Variants in ITPR1 observed in about 807,000 individuals in gnomAD.
ITPR1 encodes the protein inositol 1,4,5-trisphosphate-gated calcium channel ITPR1.
In ITPR1, 96 loss-of-function variants were observed where a neutral mutation model predicts 318.4. The observed-to-expected ratio is 0.30, with a 90% CI of 0.26 to 0.36. ITPR1 has a LOEUF of 0.36. Among genes scored for constraint, ITPR1 ranks in the 10% least tolerant of loss-of-function variants. The probability of loss-of-function intolerance (pLI) is 1.00; values close to 1 mark genes in which losing one functional copy is unlikely to be tolerated. For missense variants in ITPR1, 2,440 were observed against 3,460.2 expected, an observed-to-expected ratio of 0.71 and a Z score of 7.40; for synonymous variants, 1,312 against 1,289.9, an observed-to-expected ratio of 1.02 and a Z score of -0.37.
chr3:4,495,590 A>G (rs1276257400), intron 2 of ITPR1, among the ~76,000 whole-genome samples: 1 of 152,236 alleles, frequency 6.6e-6, no homozygotes, highest in Non-Finnish European at 1.5e-5. Flanking sequence ...TTAGCTGTAC[A>G]GCAAGGAAAA....
intron 60 of ITPR1, among the ~76,000 whole-genome samples, chr3:4,833,230 A>T (rs987881999): frequency 6.6e-6 from 1 of 152,226 alleles, no homozygotes; most frequent in Non-Finnish European, 1.5e-5. Context: ...ATATGGCATG[A>T]AAGAAGGTGA....
At chr3:4,705,843 A>T (rs1202302066) in intron 36 of ITPR1, among the ~76,000 whole-genome samples, 1 of 152,206 alleles carries the variant, frequency 6.6e-6, no homozygotes, top group African/African-American at 2.4e-5. Flanking sequence ...ATTATTCTTA[A>T]AATACACACA....
intron 4 of ITPR1, among the ~76,000 whole-genome samples, chr3:4,530,305 G>C (rs951370541): frequency 6.6e-6 from 1 of 152,154 alleles, no homozygotes; most frequent in Non-Finnish European, 1.5e-5. Context: ...CATAATGTTG[G>C]TCCTTCTTTA....
At chr3:4,809,202 C>G (rs569100760) in intron 55 of ITPR1, among the ~76,000 whole-genome samples, 3 of 152,106 alleles carry the variant, frequency 2.0e-5, no homozygotes, top group African/African-American at 7.2e-5. Flanking sequence ...AAGCAGCAGG[C>G]AAAATGTTTC....
In ITPR1 at chr3:4,733,094, G is replaced by A. The variant is rs2043039818; in HGVS notation, c.5227G>A (p.Ala1743Thr). Residue 1743 changes from alanine to threonine, a missense_variant, in exon 43 of 62, where the codon GCG becomes ACG. By Grantham distance (58) the Ala-to-Thr change is moderately conservative (BLOSUM62 0). Around this residue, in one of 23 missense-constraint regions of ITPR1, gnomAD observed 166 missense variants for 143.7 expected, o/e 1.16. Coordinates refer to ENST00000649015, the MANE Select transcript of ITPR1 (RefSeq NM_001378452.1). The stretch of plus-strand genomic sequence containing the variant: ...TTATCCTGTTTGAATTAAGGGTGAG[G>A]CGCTCAGGCAAGTTCTGGTCAACCG... ...RQLEDHKRGE[A>T]LRQVLVNRYY... is the part of the protein sequence containing the mutation. The A allele has an allele frequency of 6.2e-7, 1 of 1,612,794 alleles. No individual in the cohort carries two copies. Among genetic ancestry groups the A allele is most frequent in the African/African-American group, 1.3e-5 (1 of 74,904 alleles).
chr3:4,610,856 GTTCCCT>G (rs113211334), intron 4 of ITPR1, among the ~76,000 whole-genome samples: 17,175 of 144,974 alleles, frequency 0.12, 1,591 homozygotes, highest in East Asian at 0.43. Context: ...TCCCTTTCCT[GTTCCCT>G]TTCCCTTTCC....
chr3:4,812,383 C>T (rs1487692472), intron 56 of ITPR1, among the ~76,000 whole-genome samples: 4 of 152,152 alleles, frequency 2.6e-5, no homozygotes, highest in African/African-American at 9.7e-5. Context: ...TATATTAAAA[C>T]ATGGATGACT....
intron 44 of ITPR1, among the ~76,000 whole-genome samples, chr3:4,736,045 A>G (rs772047127): frequency 1.3e-5 from 2 of 152,236 alleles, no homozygotes; most frequent in Non-Finnish European, 2.9e-5. Flanking sequence ...ATGAATTTTA[A>G]TAATACATAA....
chr3:4,771,711 T>C (rs1361605696), intron 46 of ITPR1, among the ~76,000 whole-genome samples: 1 of 151,930 alleles, frequency 6.6e-6, no homozygotes, highest in East Asian at 1.9e-4. Context: ...TGTGGGGTGT[T>C]GGGGTGTATA....
intron 44 of ITPR1, among the ~76,000 whole-genome samples, chr3:4,759,197 C>G (rs895075913): frequency 1.3e-5 from 2 of 152,222 alleles, no homozygotes; most frequent in African/African-American, 4.8e-5. Flanking sequence ...GCAGGCTCGT[C>G]ATAACCACGC....
intron 4 of ITPR1, among the ~76,000 whole-genome samples, chr3:4,567,916 T>C (rs1024626835): frequency 2.6e-5 from 4 of 152,188 alleles, no homozygotes; most frequent in Non-Finnish European, 5.9e-5. Flanking sequence ...GAGCTAGTTC[T>C]TAAAGGTGTG....
chr3:4,761,008 C>A (rs2045401956), intron 44 of ITPR1, among the ~76,000 whole-genome samples: 1 of 152,214 alleles, frequency 6.6e-6, no homozygotes, highest in Admixed American at 6.5e-5. Context: ...TTCTGTCTAC[C>A]ACACCTGTGA....
At chr3:4,640,701 A>G (rs773299026) in intron 6 of ITPR1, among the ~76,000 whole-genome samples, 3 of 152,208 alleles carry the variant, frequency 2.0e-5, no homozygotes, top group Non-Finnish European at 4.4e-5. Flanking sequence ...CACTTTGCTC[A>G]CCAGCAAAAT....
Position 4,680,638 on chromosome 3 carries a change from C to G in ITPR1, c.3053C>G (p.Thr1018Ser). ...KREFDESNSQ[T>S]SETSSGNSSQ... Reference sequence around the variant, plus strand: ...GAGTTTGATGAAAGCAATTCCCAGACTTCAGAAACATCCTCCGGAAACAGC... The same window carrying G: ...GAGTTTGATGAAAGCAATTCCCAGAGTTCAGAAACATCCTCCGGAAACAGC... Residue 1018 changes from threonine (T) to serine (S), a missense_variant, in exon 25 of 62, where the codon ACT becomes AGT. By Grantham distance (58) the Thr-to-Ser change is moderately conservative. Around this residue, in one of 23 missense-constraint regions of ITPR1, gnomAD observed 57 missense variants for 46.2 expected, o/e 1.23. Coordinates refer to ENST00000649015, the MANE Select transcript of ITPR1 (RefSeq NM_001378452.1). 5 of 1,613,850 alleles carry G rather than the reference C, an allele frequency of 3.1e-6. No homozygotes were observed. The highest frequency in any genetic ancestry group is 4.2e-6 in the Non-Finnish European group (5 of 1,179,778).
chr3:4,795,549 C>T (rs1440234047), intron 53 of ITPR1, among the ~76,000 whole-genome samples: 1 of 152,218 alleles, frequency 6.6e-6, no homozygotes, highest in African/African-American at 2.4e-5. Context: ...AACCCTAAAA[C>T]GTAGACGTCT....
chr3:4,699,924 C>T lies in ITPR1; in HGVS notation c.4519C>T (p.Gln1507Ter). 1 of 1,613,502 alleles carries T rather than the reference C, an allele frequency of 6.2e-7. No individual in the cohort carries two copies. The highest frequency in any genetic ancestry group is 8.5e-7 in the Non-Finnish European group (1 of 1,179,476). The change falls in exon 35 of 62, where the codon CAG becomes TAG. Residue 1507 changes from glutamine (Q) to a stop codon, truncating the protein, a stop_gained. Coordinates refer to ENST00000649015, the MANE Select transcript of ITPR1 (RefSeq NM_001378452.1). LOFTEE classifies it high-confidence loss of function. ...TTFFSSPFSD[Q>*]STTLQTRQPV... ...TTTCTTCAGCTCTCCCTTCTCAGAC[C>T]AGAGTACGACTTTGCAGGTAAGAAA...
At chr3:4,663,831 C>T (rs953493906) in intron 16 of ITPR1, among the ~76,000 whole-genome samples, 5 of 152,200 alleles carry the variant, frequency 3.3e-5, no homozygotes, top group Non-Finnish European at 5.9e-5. Context: ...GCTAACCCTT[C>T]ACAGCCATGA....
intron 2 of ITPR1, among the ~76,000 whole-genome samples, chr3:4,498,534 A>G (rs1326171426): frequency 1.3e-5 from 2 of 151,644 alleles, no homozygotes; most frequent in East Asian, 3.9e-4. Flanking sequence ...GGACTTGTAA[A>G]CTCTCACGGA....
intron 32 of ITPR1, among the ~76,000 whole-genome samples, chr3:4,691,969 T>C (rs2094486385): frequency 6.6e-6 from 1 of 151,782 alleles, no homozygotes; most frequent in Admixed American, 6.6e-5. Flanking sequence ...CTGGGCAACA[T>C]AGTAAGACCC....
Sources: gnomAD v4.1 joint callset for allele counts (sites outside exome capture counted in the v4.1 genomes callset) on GRCh38, gnomAD v4.1.1 for gene constraint, gnomAD v4.1.1 regional missense constraint, MANE v1.5 for transcripts, NCBI Gene and HGNC (gene_info 2026-07-23, HGNC 2026-07-21) for gene names.